CRACDL: variants seen among roughly 807,000 people sequenced by gnomAD.
The protein encoded by CRACDL is CRACD like, also known as CRACD-like protein.
In CRACDL, 26 loss-of-function variants were observed where a neutral mutation model predicts 70.6. The ratio of observed to expected loss-of-function variants is 0.37; its 90% CI spans 0.27 to 0.51. The LOEUF (loss-of-function observed/expected upper bound fraction) is 0.51. Ranked by LOEUF, CRACDL falls within the 20% of genes least tolerant of loss-of-function variation. CRACDL has a pLI of 0.94. For missense variants in CRACDL, 1,283 were observed against 1,376.9 expected (o/e 0.93, Z 1.08); for synonymous variants, 618 against 615.2 (o/e 1.00, Z -0.07).
chr2:98,815,448 T>C (rs1410454078), intron 7 of CRACDL, among the ~76,000 whole-genome samples: 2 of 152,236 alleles, frequency 1.3e-5, no homozygotes, highest in Non-Finnish European at 2.9e-5. Flanking sequence ...GTTCTACGGC[T>C]AGAAAGCCAA....
chr2:98,828,020 C>T (rs555368617), intron 5 of CRACDL, among the ~76,000 whole-genome samples: 1 of 152,354 alleles, frequency 6.6e-6, no homozygotes, highest in East Asian at 1.9e-4. Flanking sequence ...TGTTAAGTTA[C>T]AGGTATTTTA....
chr2:98,797,074 A>T (rs1001874521), intron 8 of CRACDL, among the ~76,000 whole-genome samples: 1 of 152,242 alleles, frequency 6.6e-6, no homozygotes, highest in Non-Finnish European at 1.5e-5. Flanking sequence ...CAGGGAGTAG[A>T]GAGCTGTCTG....
rs1161346387 is a variant in CRACDL, at chr2:98,822,348, TC to T, written c.1924del (p.Asp642ThrfsTer62). The T allele has an allele frequency of 6.9e-7, 1 of 1,459,500 alleles. No individual in the cohort carries two copies. The highest frequency in any genetic ancestry group is 1.4e-5 in the South Asian group (1 of 73,720). 90.4% of individuals were successfully genotyped at this position (1,459,500 alleles called of 1,614,324 possible). A position where few individuals can be genotyped will look rare whatever the true frequency, so the allele number is the denominator to read the frequency against. On this transcript the variant is annotated frameshift_variant, in exon 7 of 10. Transcript: ENST00000397899. LOFTEE classifies it high-confidence loss of function. The surrounding 1 kb of genome is among the most constrained non-coding windows in gnomAD (Gnocchi z 4.9). ...LAERGPQDSGDRAASPAGPRK... is the reference protein window; with the variant it reads ...LAERGPQDSGXRAASPAGPRK... ...CGGCCCGGCCGGGCTGGCCGCCCTG[TC>T]CCCCGAGTCCTGAGGGCCGCGCTCC...
intron 1 of CRACDL, among the ~76,000 whole-genome samples, chr2:98,933,162 C>T (rs1489074205): frequency 6.6e-6 from 1 of 152,172 alleles, no homozygotes; most frequent in African/African-American, 2.4e-5. Flanking sequence ...CGCTGTGGCT[C>T]ACCCTGGGGA....
intron 1 of CRACDL, among the ~76,000 whole-genome samples, chr2:98,867,974 T>C (rs1490388381): frequency 6.6e-6 from 1 of 152,224 alleles, no homozygotes; most frequent in Admixed American, 6.5e-5. Context: ...GTTTTGTTTT[T>C]TCAGTAGGAA....
chr2:98,835,035 T>C (rs1298788729), intron 3 of CRACDL, among the ~76,000 whole-genome samples: 1 of 152,176 alleles, frequency 6.6e-6, no homozygotes, highest in Non-Finnish European at 1.5e-5. Flanking sequence ...AACTTCCATA[T>C]AGGGAAGGGA....
intron 7 of CRACDL, among the ~76,000 whole-genome samples, chr2:98,810,109 A>T (rs2104432527): frequency 6.6e-6 from 1 of 152,286 alleles, no homozygotes; most frequent in African/African-American, 2.4e-5. Flanking sequence ...GCAGGCTAGG[A>T]ACCCCAGGGC....
chr2:98,833,525 C>T (rs990522635), intron 3 of CRACDL, among the ~76,000 whole-genome samples: 3 of 152,234 alleles, frequency 2.0e-5, no homozygotes, highest in Admixed American at 6.5e-5. Flanking sequence ...ATCTGCAAAG[C>T]CATGGCCTCT....
At chr2:98,796,910 A>T (rs954545672) in intron 8 of CRACDL, among the ~76,000 whole-genome samples, 9 of 152,340 alleles carry the variant, frequency 5.9e-5, no homozygotes, top group Admixed American at 4.6e-4. Context: ...GAGCTCCAGC[A>T]TGTGGCCGGT....
rs2104467866 is a variant in CRACDL, at chr2:98,822,671, G to A, written c.1602C>T (p.Ala534=). The A allele has an allele frequency of 3.9e-6, 5 of 1,282,522 alleles. No individual in the cohort carries two copies. In the South Asian group the frequency reaches 1.0e-4, roughly 26 times the overall value. The allele number at this position is 1,282,522 out of a possible 1,614,324, so 79.4% of individuals were successfully genotyped here. A position where few individuals can be genotyped will look rare whatever the true frequency, so the allele number is the denominator to read the frequency against. Residue 534 remains alanine (A), a synonymous_variant, in exon 7 of 10, where the codon GCC becomes GCT. Coordinates refer to ENST00000397899, the MANE Select transcript of CRACDL (RefSeq NM_207362.3). This position sits in a 1 kb window ranked among gnomAD's most constrained non-coding sequence, Gnocchi z 4.9. ...CGGCCTTGGGGCGCTCCGGGGCGGC[G>A]GCCTCTGCGTCGAGGGAACCGGGGC... ...EPGPGSLDAE[A]AAPERPKAER... is the part of the protein sequence containing the mutation.
In CRACDL at chr2:98,823,208, C is replaced by A; in HGVS notation, c.1065G>T (p.Pro355=). The change falls in exon 7 of 10, where the codon CCG becomes CCT. Residue 355 remains proline (P), a synonymous_variant. Transcript: ENST00000397899. This position sits in a 1 kb window ranked among gnomAD's most constrained non-coding sequence, Gnocchi z 4.0. ...ESAPTLRVEP[P]SPPEGPPNPG... ...GATTCGGGGGGCCCTCCGGCGGGGA[C>A]GGGGGCTCCACGCGGAGAGTGGGGG... 7.0e-7 allele frequency: 1 copy of A among 1,428,308 alleles called. No individual in the cohort carries two copies. 88.5% of individuals were successfully genotyped at this position (1,428,308 alleles called of 1,614,324 possible). A position where few individuals can be genotyped will look rare whatever the true frequency, so the allele number is the denominator to read the frequency against.
chr2:98,885,095 G>T (rs998876446), intron 1 of CRACDL, among the ~76,000 whole-genome samples: 1 of 152,150 alleles, frequency 6.6e-6, no homozygotes, highest in African/African-American at 2.4e-5. Context: ...TGTATCTATG[G>T]CAATTAGGCA....
intron 1 of CRACDL, among the ~76,000 whole-genome samples, chr2:98,906,556 CT>C (rs1449842278): frequency 1.3e-5 from 2 of 152,110 alleles, no homozygotes; most frequent in African/African-American, 4.8e-5. Flanking sequence ...GCCATTGCAC[CT>C]GGCCATCCAA....
intron 7 of CRACDL, among the ~76,000 whole-genome samples, chr2:98,800,819 C>T (rs565621924): frequency 2.0e-3 from 301 of 152,342 alleles, no homozygotes; most frequent in African/African-American, 6.7e-3. Flanking sequence ...CTGAGCTTGG[C>T]AAGAGGTAAA....
chr2:98,907,415 C>T (rs1272234127), intron 1 of CRACDL, among the ~76,000 whole-genome samples: 1 of 152,224 alleles, frequency 6.6e-6, no homozygotes, highest in Non-Finnish European at 1.5e-5. Context: ...AGTAGTTGTT[C>T]TCTGCCGAGC....
intron 1 of CRACDL, among the ~76,000 whole-genome samples, chr2:98,906,547 C>A (rs1291439165): frequency 4.0e-5 from 2 of 50,092 alleles, no homozygotes; most frequent in East Asian, 7.2e-4. Context: ...CAGGCGTGAG[C>A]CATTGCACCT....
chr2:98,836,010 G>A (rs777069734), intron 3 of CRACDL, among the ~76,000 whole-genome samples: 2 of 152,154 alleles, frequency 1.3e-5, no homozygotes, highest in Non-Finnish European at 2.9e-5. Flanking sequence ...TGATGTACCG[G>A]GAATTGGGAG....
At position 98,924,186 on chromosome 2, in the gene CRACDL, T is replaced by C. The variant is rs1708862855; in HGVS notation, c.-11+11752A>G. Among the ~76,000 whole-genome samples the C allele has an allele frequency of 2.0e-5, 3 of 152,314 alleles. No homozygotes were observed. In the South Asian group the frequency reaches 6.2e-4, roughly 32 times the overall value. On this transcript the variant is annotated intron_variant, in intron 1 of 9. Coordinates refer to ENST00000397899, the MANE Select transcript of CRACDL (RefSeq NM_207362.3). ...CACCCCAGGAGCCAGAAGACTCAGATGCAGCCACTCTGGTACCACGTGACC... is the reference window on the plus strand; with the variant it reads ...CACCCCAGGAGCCAGAAGACTCAGACGCAGCCACTCTGGTACCACGTGACC...
chr2:98,806,115 T>C (rs1367662322), intron 7 of CRACDL, among the ~76,000 whole-genome samples: 1 of 152,026 alleles, frequency 6.6e-6, no homozygotes, highest in Admixed American at 6.6e-5. Flanking sequence ...GTGGGGTGAG[T>C]GTCAGTCCTT....
Sources: gnomAD v4.1 joint callset for allele counts (sites outside exome capture counted in the v4.1 genomes callset) on GRCh38, gnomAD v4.1.1 for gene constraint, Gnocchi (gnomAD v3.1) non-coding constraint, MANE v1.5 for transcripts, NCBI Gene and HGNC (gene_info 2026-07-23, HGNC 2026-07-21) for gene names.